Variants in EDDM3A observed in about 807,000 individuals in gnomAD.
EDDM3A encodes the protein epididymal protein 3A.
For synonymous variants in EDDM3A, 75 were observed against 60.4 expected, an observed-to-expected ratio of 1.24 and a Z score of -1.12; for missense variants, 199 against 177.4, an observed-to-expected ratio of 1.12 and a Z score of -0.69.
chr14:20,742,699 G>T (rs1043502334), upstream of EDDM3A, among the ~76,000 whole-genome samples: 4 of 152,064 alleles, frequency 2.6e-5, no homozygotes, highest in African/African-American at 7.2e-5. Flanking sequence ...CAATCTTCCT[G>T]CCTCCGTTTC....
the EDDM3A span, among the ~76,000 whole-genome samples, chr14:20,740,314 G>A: frequency 9.9e-5 from 15 of 152,202 alleles, no homozygotes; most frequent in African/African-American, 2.7e-4. Flanking sequence ...TCCATGGTTC[G>A]ATACTCTCTT....
upstream of EDDM3A, among the ~76,000 whole-genome samples, chr14:20,745,573 T>C (rs1877559741): frequency 6.6e-6 from 1 of 150,990 alleles, no homozygotes; most frequent in Admixed American, 6.6e-5. Flanking sequence ...CCATGTAACA[T>C]AGCATAACCC....
the EDDM3A span, among the ~76,000 whole-genome samples, chr14:20,739,475 T>C: frequency 6.6e-6 from 1 of 152,176 alleles, no homozygotes; most frequent in Non-Finnish European, 1.5e-5. Flanking sequence ...TGCAGTCCCT[T>C]CTGCTAAGCC....
At chr14:20,736,815 A>G in the EDDM3A span, among the ~76,000 whole-genome samples, 1 of 151,864 alleles carries the variant, frequency 6.6e-6, no homozygotes, top group East Asian at 1.9e-4. Flanking sequence ...GGTTCAAGTG[A>G]TTCTCCTGCT....
At chr14:20,738,010 C>T in the EDDM3A span, among the ~76,000 whole-genome samples, 1 of 152,220 alleles carries the variant, frequency 6.6e-6, no homozygotes, top group Non-Finnish European at 1.5e-5. Flanking sequence ...TATGAGGTGA[C>T]TGCGCACTTT....
chr14:20,747,934 A>G lies in EDDM3A; in HGVS notation c.354A>G (p.Arg118=). Residue 118 remains arginine, a synonymous_variant, in exon 2 of 2, where the codon AGA becomes AGG. Transcript: ENST00000326842. ...ACAACAATAGGTACACAGAGAGCAGAAGCTTCAGCTACATTGAATTCCATT... is the reference window on the plus strand; with the variant it reads ...ACAACAATAGGTACACAGAGAGCAGGAGCTTCAGCTACATTGAATTCCATT... ...EKYNNRYTES[R]SFSYIEFHCG... is the part of the protein sequence containing the mutation. 6.2e-7 allele frequency: 1 copy of G among 1,614,160 alleles called. No individual in the cohort carries two copies. Among genetic ancestry groups the G allele is most frequent in the South Asian group, 1.1e-5 (1 of 91,072 alleles).
chr14:20,746,868 C>A (rs1324669903), intron 1 of EDDM3A, among the ~76,000 whole-genome samples: 3 of 152,194 alleles, frequency 2.0e-5, no homozygotes, highest in Non-Finnish European at 2.9e-5. Flanking sequence ...ATGCAACAAT[C>A]TTTTCCACTT....
At chr14:20,738,470 A>AAAATAAATAAAT in the EDDM3A span, among the ~76,000 whole-genome samples, 550 of 143,380 alleles carry the variant, frequency 3.8e-3, 3 homozygotes, top group Non-Finnish European at 4.5e-3. Context: ...ACTCTGTCTC[A>AAAATAAATAAAT]AAATAAATAA....
the EDDM3A span, among the ~76,000 whole-genome samples, chr14:20,738,439 C>G: frequency 2.6e-5 from 4 of 150,962 alleles, no homozygotes; most frequent in Non-Finnish European, 5.9e-5. Flanking sequence ...CCATTGCACT[C>G]CAGCCTGGTG....
the EDDM3A span, among the ~76,000 whole-genome samples, chr14:20,737,055 T>A: frequency 9.8e-4 from 80 of 81,700 alleles, 1 homozygote; most frequent in Middle Eastern, 8.6e-3. Flanking sequence ...TTCTTTTTCC[T>A]TTTTTTTTTT....
At chr14:20,736,696 G>A in the EDDM3A span, among the ~76,000 whole-genome samples, 1 of 151,910 alleles carries the variant, frequency 6.6e-6, no homozygotes, top group Non-Finnish European at 1.5e-5. Context: ...TGGAGATGGG[G>A]ATTTCTTTTA....
the EDDM3A span, among the ~76,000 whole-genome samples, chr14:20,739,063 C>T: frequency 6.6e-6 from 1 of 152,320 alleles, no homozygotes; most frequent in Middle Eastern, 3.4e-3. Context: ...CTTGTGTATA[C>T]TGTTTCTCAA....
chr14:20,745,015 A>T (rs1167761656), upstream of EDDM3A, among the ~76,000 whole-genome samples: 2 of 152,124 alleles, frequency 1.3e-5, no homozygotes, highest in Non-Finnish European at 1.5e-5. Context: ...TAGGCTCAGG[A>T]GTTCAAGACC....
upstream of EDDM3A, among the ~76,000 whole-genome samples, chr14:20,745,539 A>G (rs1473112022): frequency 6.6e-6 from 1 of 151,186 alleles, no homozygotes; most frequent in Non-Finnish European, 1.5e-5. Context: ...AAAAAAAAAA[A>G]GGTGGCTTTC....
upstream of EDDM3A, among the ~76,000 whole-genome samples, chr14:20,740,939 G>A (rs1021595524): frequency 3.3e-5 from 5 of 152,144 alleles, no homozygotes; most frequent in South Asian, 1.0e-3. Context: ...TACAGGAGGT[G>A]TTGACGCTGA....
Position 20,747,790 on chromosome 14 carries a change from T to G in EDDM3A, c.210T>G (p.Tyr70Ter), listed in dbSNP as rs758326165. The G allele has an allele frequency of 8.7e-6, 14 of 1,614,070 alleles. No individual in the cohort carries two copies. The highest frequency in any genetic ancestry group is 1.1e-5 in the Non-Finnish European group (13 of 1,180,020). Residue 70 changes from tyrosine to a stop codon, truncating the protein, a stop_gained, in exon 2 of 2, where the codon TAT becomes TAG. Transcript: ENST00000326842. LOFTEE classifies it low-confidence loss of function (END_TRUNC). ...GCAAGAGCTTTCATATGTTCATCTA[T>G]AGCTTATGGTTCAAAATTCAGCGTG... ...LKGKSFHMFI[Y>*]SLWFKIQRAC... is the part of the protein sequence containing the mutation.
Position 20,747,538 on chromosome 14 carries a change from C to A in EDDM3A, c.-26-17C>A. 6.8e-7 allele frequency: 1 copy of A among 1,480,704 alleles called. No homozygotes were observed. The highest frequency in any genetic ancestry group is 1.3e-5 in the South Asian group (1 of 75,164). The allele number at this position is 1,480,704 out of a possible 1,614,324, so 91.7% of individuals were successfully genotyped here. A position where few individuals can be genotyped will look rare whatever the true frequency, so the allele number is the denominator to read the frequency against. ...TGAGTATAGTCTGGTTAATGCTTTT[C>A]TTTCTCTTCCCTGTAGACACGCAGG... On this transcript the variant is annotated splice_polypyrimidine_tract_variant and intron_variant, in intron 1 of 1. Coordinates refer to ENST00000326842, the MANE Select transcript of EDDM3A (RefSeq NM_006683.5).
the EDDM3A span, among the ~76,000 whole-genome samples, chr14:20,739,228 T>C: frequency 6.6e-6 from 1 of 152,206 alleles, no homozygotes; most frequent in East Asian, 1.9e-4. Context: ...CAAAACAGTA[T>C]AGGAGGAAAG....
At chr14:20,745,223 C>CAAA (rs68175858), upstream of EDDM3A, among the ~76,000 whole-genome samples, 13 of 134,970 alleles carry the variant, frequency 9.6e-5, no homozygotes, top group African/African-American at 3.3e-4. Flanking sequence ...AAGACCCTGT[C>CAAA]AAAAAAAAAA....
Sources: allele counts gnomAD v4.1 joint callset (sites outside exome capture counted in the v4.1 genomes callset), GRCh38; gene constraint gnomAD v4.1.1; transcripts MANE v1.5; gene names NCBI Gene and HGNC (gene_info 2026-07-23, HGNC 2026-07-21).